ATRN: variants seen among roughly 807,000 people sequenced by gnomAD.
The protein encoded by ATRN is attractin, also known as attractin-2.
Under a neutral mutation model 178.7 loss-of-function variants are expected in ATRN, and 54 were observed. That is an observed-to-expected ratio of 0.30 (90% CI 0.24 to 0.38). ATRN has a LOEUF of 0.38. Ranked by LOEUF, ATRN falls within the 10% of genes least tolerant of loss-of-function variation. ATRN has a pLI of 1.00. For missense variants in ATRN, 1,443 were observed against 1,815.1 expected, an observed-to-expected ratio of 0.79 and a Z score of 3.73; for synonymous variants, 636 against 663.0, an observed-to-expected ratio of 0.96 and a Z score of 0.63.
At chr20:3,482,031 A>G (rs912942517) in intron 1 of ATRN, among the ~76,000 whole-genome samples, 1 of 151,830 alleles carries the variant, frequency 6.6e-6, no homozygotes, top group African/African-American at 2.4e-5. Context: ...CTTTCACAAA[A>G]ATGTATAATC....
intron 1 of ATRN, among the ~76,000 whole-genome samples, chr20:3,480,324 CAT>C (rs2084601854): frequency 6.6e-6 from 1 of 152,146 alleles, no homozygotes; most frequent in Non-Finnish European, 1.5e-5. Context: ...TTTAGAAGGA[CAT>C]GTGTTGCCTT....
chr20:3,614,488 T>C (rs868039012), intron 24 of ATRN, among the ~76,000 whole-genome samples: 11 of 152,158 alleles, frequency 7.2e-5, no homozygotes, highest in Admixed American at 1.3e-4. Flanking sequence ...TGTTCACAAG[T>C]AAAGGCAACA....
intron 1 of ATRN, among the ~76,000 whole-genome samples, chr20:3,475,905 G>A (rs984555165): frequency 1.3e-5 from 2 of 152,226 alleles, no homozygotes; most frequent in African/African-American, 2.4e-5. Context: ...AACACTTTGG[G>A]AGGCAGAGGC....
intron 19 of ATRN, 49 bp downstream of exon 19, chr20:3,591,355 A>C (rs1764523009): frequency 6.4e-7 from 1 of 1,568,064 alleles, no homozygotes; most frequent in Admixed American, 1.8e-5. Flanking sequence ...TGTGGAACAC[A>C]GCACTTCTAT....
At chr20:3,562,751 CT>C (rs1161117572) in intron 9 of ATRN, among the ~76,000 whole-genome samples, 1 of 152,168 alleles carries the variant, frequency 6.6e-6, no homozygotes, top group Non-Finnish European at 1.5e-5. Context: ...GGTTTCTCCT[CT>C]TTTTCCTCAC....
rs1342379272 is a variant in ATRN, at chr20:3,591,253, A to T, written c.3269A>T (p.Glu1090Val). ...AACCTGACCACAGGCAAGCACTGCG[A>T]GACCTGCATATCTGGCTTCTACGGT... ...CENLTTGKHC[E>V]TCISGFYGDP... The change falls in exon 19 of 29, where the codon GAG (glutamate) becomes GTG (valine). Residue 1090 changes from glutamate (E) to valine (V), a missense_variant. Physicochemically the swap from Glu to Val is moderately radical, Grantham distance 121. This residue lies in a region of ATRN where 289 missense variants were observed against 440.8 expected (regional missense o/e 0.66). Transcript: ENST00000262919. 1 of 1,614,114 alleles carries T rather than the reference A, an allele frequency of 6.2e-7. No individual in the cohort carries two copies. Among genetic ancestry groups the T allele is most frequent in the Non-Finnish European group, 8.5e-7 (1 of 1,180,032 alleles).
intron 22 of ATRN, among the ~76,000 whole-genome samples, chr20:3,599,973 A>G (rs942176219): frequency 6.6e-6 from 1 of 152,240 alleles, no homozygotes; most frequent in African/African-American, 2.4e-5. Context: ...TATTAAAATG[A>G]TCAAAACAAC....
intron 1 of ATRN, among the ~76,000 whole-genome samples, chr20:3,500,917 A>G (rs2084954821): frequency 6.6e-6 from 1 of 152,092 alleles, no homozygotes; most frequent in African/African-American, 2.4e-5. Context: ...ATATTAAGTT[A>G]TATATAACTA....
intron 1 of ATRN, among the ~76,000 whole-genome samples, chr20:3,473,609 T>A (rs956919823): frequency 1.3e-5 from 2 of 152,194 alleles, no homozygotes; most frequent in African/African-American, 4.8e-5. Context: ...ACAAATGGCC[T>A]TGAAGGTGAG....
chr20:3,511,901 G>A (rs1363647812), intron 1 of ATRN, among the ~76,000 whole-genome samples: 2 of 151,596 alleles, frequency 1.3e-5, no homozygotes, highest in African/African-American at 4.8e-5. Context: ...TGTTTTAATT[G>A]TACAGCCTTA....
At chr20:3,506,845 A>G (rs1247949955) in intron 1 of ATRN, among the ~76,000 whole-genome samples, 1 of 152,112 alleles carries the variant, frequency 6.6e-6, no homozygotes, top group Non-Finnish European at 1.5e-5. Context: ...TTATATAACA[A>G]GATCAATAAT....
chr20:3,554,744 A>G (rs1480993505), intron 6 of ATRN, among the ~76,000 whole-genome samples: 1 of 152,152 alleles, frequency 6.6e-6, no homozygotes, highest in East Asian at 1.9e-4. Flanking sequence ...TAGTTGCATT[A>G]AAAAGCAATT....
At chr20:3,606,604 T>C (rs1161453882) in intron 24 of ATRN, among the ~76,000 whole-genome samples, 3 of 152,222 alleles carry the variant, frequency 2.0e-5, no homozygotes, top group Non-Finnish European at 2.9e-5. Flanking sequence ...CAGACTTCCA[T>C]GCTTCCTTTC....
At position 3,476,510 on chromosome 20, in the gene ATRN, C is replaced by T. The variant is rs145331997; in HGVS notation, c.410+4993C>T. 4.8e-3 allele frequency among the ~76,000 whole-genome samples: 738 copies of T among 152,342 alleles called. 7 individuals are homozygous for T. Among genetic ancestry groups the T allele is most frequent in the African/African-American group, 0.017 (694 of 41,590 alleles). ...TAACATTTTAAAAATCTTAAATTCA[C>T]TTCAGTCTCTCTGGCTGACGATCTG... On this transcript the variant is annotated intron_variant, in intron 1 of 28. Coordinates refer to ENST00000262919, the MANE Select transcript of ATRN (RefSeq NM_139321.3).
intron 1 of ATRN, among the ~76,000 whole-genome samples, chr20:3,517,463 A>G (rs1050429864): frequency 3.3e-5 from 5 of 151,994 alleles, no homozygotes; most frequent in African/African-American, 4.8e-5. Flanking sequence ...TGCAGAAACC[A>G]TTGCAATGAC....
At chr20:3,512,099 A>G (rs1432257920) in intron 1 of ATRN, among the ~76,000 whole-genome samples, 2 of 120,254 alleles carry the variant, frequency 1.7e-5, no homozygotes, top group Non-Finnish European at 3.3e-5. Flanking sequence ...ATATATATAT[A>G]TATATATATT....
chr20:3,493,306 A>G (rs1230971831), intron 1 of ATRN, among the ~76,000 whole-genome samples: 1 of 149,702 alleles, frequency 6.7e-6, no homozygotes, highest in Non-Finnish European at 1.5e-5. Context: ...GGTGTGTGCC[A>G]TACCACACCT....
At chr20:3,596,543 G>A (rs1196520433) in intron 21 of ATRN, 114 bp downstream of exon 21, 2 of 950,500 alleles carry the variant, frequency 2.1e-6, no homozygotes, top group Non-Finnish European at 3.3e-6. Context: ...CACCAATGAA[G>A]TGTTCCCAGA....
intron 1 of ATRN, among the ~76,000 whole-genome samples, chr20:3,504,660 G>A (rs2085012474): frequency 6.7e-6 from 1 of 148,830 alleles, no homozygotes; most frequent in Non-Finnish European, 1.5e-5. Flanking sequence ...ACTCCAGCCT[G>A]GGCAATAAGA....
Sources: gnomAD v4.1 joint callset for allele counts (sites outside exome capture counted in the v4.1 genomes callset) on GRCh38, gnomAD v4.1.1 for gene constraint, gnomAD v4.1.1 regional missense constraint, MANE v1.5 for transcripts, NCBI Gene and HGNC (gene_info 2026-07-23, HGNC 2026-07-21) for gene names.